KDM4C: variants seen among roughly 807,000 people sequenced by gnomAD.
KDM4C encodes the protein lysine demethylase 4C.
KDM4C carries 81 observed loss-of-function variants against 129.3 expected under a neutral mutation model. That is an observed-to-expected ratio of 0.63 (90% CI 0.52 to 0.75). KDM4C has a LOEUF of 0.75. Among genes scored for constraint, KDM4C ranks in the 30% least tolerant of loss-of-function variants. KDM4C has a pLI of 0.00. For missense variants in KDM4C, 1,457 were observed against 1,304.0 expected (o/e 1.12, Z -1.81); for synonymous variants, 573 against 456.1 (o/e 1.26, Z -3.26).
At chr9:7,056,914 C>T (rs1830946324) in intron 17 of KDM4C, among the ~76,000 whole-genome samples, 1 of 152,058 alleles carries the variant, frequency 6.6e-6, no homozygotes, top group Non-Finnish European at 1.5e-5. Context: ...CTGCCTGGGT[C>T]AATACCAACA....
At chr9:6,981,186 A>G (rs1255680352) in intron 9 of KDM4C, 68 bp downstream of exon 9, 2 of 1,272,094 alleles carry the variant, frequency 1.6e-6, no homozygotes, top group Non-Finnish European at 2.2e-6. Context: ...GGGTCATTGG[A>G]TGTGGCAATT....
intron 4 of KDM4C, among the ~76,000 whole-genome samples, chr9:6,828,685 A>T (rs973769011): frequency 1.3e-5 from 2 of 152,082 alleles, no homozygotes; most frequent in African/African-American, 4.8e-5. Flanking sequence ...AACCTGGCCA[A>T]AGTGGAGAAA....
intron 8 of KDM4C, among the ~76,000 whole-genome samples, chr9:6,966,042 C>G (rs1214491919): frequency 6.6e-6 from 1 of 152,130 alleles, no homozygotes; most frequent in Non-Finnish European, 1.5e-5. Flanking sequence ...AAGCAGCATG[C>G]TTTTTTTATT....
At chr9:7,025,513 G>A (rs1008374044) in intron 15 of KDM4C, among the ~76,000 whole-genome samples, 1 of 151,742 alleles carries the variant, frequency 6.6e-6, no homozygotes, top group Non-Finnish European at 1.5e-5. Flanking sequence ...TATTTTTTAG[G>A]TATATGTTAT....
At chr9:6,918,726 A>G (rs1258382665) in intron 8 of KDM4C, among the ~76,000 whole-genome samples, 1 of 152,110 alleles carries the variant, frequency 6.6e-6, no homozygotes, top group Non-Finnish European at 1.5e-5. Flanking sequence ...GACTGGTTTG[A>G]GATGGTAGCT....
chr9:6,736,525 C>G (rs1290070365), intron 1 of KDM4C, among the ~76,000 whole-genome samples: 1 of 152,120 alleles, frequency 6.6e-6, no homozygotes, highest in Non-Finnish European at 1.5e-5. Flanking sequence ...ACAGCTCAGG[C>G]TGTTCCTTCA....
intron 19 of KDM4C, among the ~76,000 whole-genome samples, chr9:7,150,735 G>C (rs1388725193): frequency 6.6e-6 from 1 of 152,162 alleles, no homozygotes; most frequent in African/African-American, 2.4e-5. Flanking sequence ...CCTGTTTCTA[G>C]TTATTGGCGT....
At chr9:7,174,028 G>A (rs771628947) in intron 21 of KDM4C, among the ~76,000 whole-genome samples, 4 of 152,186 alleles carry the variant, frequency 2.6e-5, no homozygotes, top group Non-Finnish European at 4.4e-5. Flanking sequence ...AGCCAGAGAA[G>A]GAGAAGCAGG....
At chr9:7,089,957 A>G (rs1350239589) in intron 17 of KDM4C, among the ~76,000 whole-genome samples, 1 of 152,256 alleles carries the variant, frequency 6.6e-6, no homozygotes, top group Non-Finnish European at 1.5e-5. Context: ...AGCAGAATGC[A>G]GCTGCCTGCC....
chr9:6,772,802 C>T (rs1217226002), intron 1 of KDM4C, among the ~76,000 whole-genome samples: 2 of 149,712 alleles, frequency 1.3e-5, no homozygotes, highest in Non-Finnish European at 3.0e-5. Flanking sequence ...AAGCAGTTCT[C>T]CTGCCTCAGC....
intron 8 of KDM4C, among the ~76,000 whole-genome samples, chr9:6,944,731 G>A (rs916260932): frequency 1.5e-5 from 2 of 132,400 alleles, no homozygotes. Context: ...CTTAGGAAGA[G>A]CTTGTTAGTA....
At chr9:6,962,671 C>T (rs867317780) in intron 8 of KDM4C, among the ~76,000 whole-genome samples, 1 of 152,016 alleles carries the variant, frequency 6.6e-6, no homozygotes, top group African/African-American at 2.4e-5. Flanking sequence ...AAAAAGACAT[C>T]AGCTGTAATG....
intron 8 of KDM4C, among the ~76,000 whole-genome samples, chr9:6,913,485 G>A (rs1002630764): frequency 6.6e-6 from 1 of 152,214 alleles, no homozygotes; most frequent in Non-Finnish European, 1.5e-5. Context: ...AGCTGGTGAA[G>A]AATACGTTTC....
At chr9:6,898,837 G>A (rs1412610087) in intron 8 of KDM4C, among the ~76,000 whole-genome samples, 1 of 151,936 alleles carries the variant, frequency 6.6e-6, no homozygotes, top group Non-Finnish European at 1.5e-5. Context: ...AAACAATCAG[G>A]GATCATTTTT....
At chr9:6,926,100 G>A (rs1822459132) in intron 8 of KDM4C, among the ~76,000 whole-genome samples, 1 of 152,052 alleles carries the variant, frequency 6.6e-6, no homozygotes, top group East Asian at 1.9e-4. Flanking sequence ...TGAAAGTCAA[G>A]CCCCTTTAGA....
intron 17 of KDM4C, among the ~76,000 whole-genome samples, chr9:7,058,108 A>G (rs10491779): frequency 0.62 from 94,321 of 151,938 alleles, 29,891 homozygotes; most frequent in Admixed American, 0.68. Flanking sequence ...GAATTCGACA[A>G]TCTCTCAGAA....
chr9:6,762,476 A>G (rs966116057), intron 1 of KDM4C, among the ~76,000 whole-genome samples: 1 of 151,916 alleles, frequency 6.6e-6, no homozygotes, highest in Non-Finnish European at 1.5e-5. Context: ...TTGGCCTGCA[A>G]GCTCTATTTC....
chr9:7,060,891 A>T (rs1473777841), intron 17 of KDM4C, among the ~76,000 whole-genome samples: 1 of 152,148 alleles, frequency 6.6e-6, no homozygotes, highest in Non-Finnish European at 1.5e-5. Flanking sequence ...TCTGCAGGTT[A>T]TAATGTGAAA....
chr9:7,008,425 G>T (rs891793391), intron 12 of KDM4C, among the ~76,000 whole-genome samples: 1 of 152,160 alleles, frequency 6.6e-6, no homozygotes. Context: ...AGCATTTGCA[G>T]TCCCAGACTC....
Sources: allele counts gnomAD v4.1 joint callset (sites outside exome capture counted in the v4.1 genomes callset), GRCh38; gene constraint gnomAD v4.1.1; transcripts MANE v1.5; gene names NCBI Gene and HGNC (gene_info 2026-07-23, HGNC 2026-07-21).